NFRKB: variants seen among roughly 807,000 people sequenced by gnomAD.
The protein encoded by NFRKB is nuclear factor related to kappaB binding protein.
Under a neutral mutation model 135.7 loss-of-function variants are expected in NFRKB, and 62 were observed. That is an observed-to-expected ratio of 0.46 (90% CI 0.37 to 0.56). NFRKB has a LOEUF of 0.56. NFRKB is among the 20% of genes least tolerant of loss of function. NFRKB has a pLI of 0.00. For missense variants in NFRKB, 1,545 were observed against 1,662.0 expected, an observed-to-expected ratio of 0.93 and a Z score of 1.22; for synonymous variants, 678 against 635.6, an observed-to-expected ratio of 1.07 and a Z score of -1.00.
intron 3 of NFRKB, among the ~76,000 whole-genome samples, chr11:129,891,477 G>A (rs990450378): frequency 4.6e-5 from 7 of 152,202 alleles, no homozygotes; most frequent in African/African-American, 1.7e-4. Context: ...CTACTCAGTT[G>A]TTGGGATGAG....
At chr11:129,886,466 A>G (rs1370094154) in intron 4 of NFRKB, 22 bp from the exon 5 acceptor site, 3 of 1,608,910 alleles carry the variant, frequency 1.9e-6, no homozygotes, top group Non-Finnish European at 2.6e-6. Flanking sequence ...AAAGGTATAT[A>G]TATTTACATC....
rs555682677 is a variant in NFRKB, at chr11:129,868,182, A to G, written c.3531+1312T>C. On this transcript the variant is annotated intron_variant, in intron 24 of 26. Coordinates refer to ENST00000682444, the MANE Select transcript of NFRKB (RefSeq NM_001143835.2). ...GTTAAAAGATGACAGACTGGAAAAA[A>G]ATATTTTCTATGTATATAAAGAATT... Among the ~76,000 whole-genome samples the G allele has an allele frequency of 5.7e-4, 87 of 152,290 alleles. 2 individuals carry two copies. The South Asian group carries it at 0.018, about 31-fold the overall frequency.
intron 8 of NFRKB, 44 bp from the exon 9 acceptor site, chr11:129,883,250 A>G: frequency 6.5e-7 from 1 of 1,532,356 alleles, no homozygotes; most frequent in Non-Finnish European, 9.0e-7. Context: ...CCCAAAAAGG[A>G]GCAAAAACTG....
chr11:129,865,731 T>TA, intron 25 of NFRKB, 146 bp downstream of exon 25: 1 of 668,792 alleles, frequency 1.5e-6, no homozygotes. Flanking sequence ...GCTCAATAAA[T>TA]ACTGTTGATG....
intron 3 of NFRKB, 139 bp downstream of exon 3, chr11:129,892,576 A>T: frequency 1.2e-6 from 1 of 810,214 alleles, no homozygotes; most frequent in Admixed American, 2.7e-5. Context: ...AAAAAAGATA[A>T]GAGATCAGGC....
At chr11:129,887,375 G>C (rs1241479206) in intron 4 of NFRKB, among the ~76,000 whole-genome samples, 1 of 152,148 alleles carries the variant, frequency 6.6e-6, no homozygotes, top group African/African-American at 2.4e-5. Flanking sequence ...ACAAGCAAGA[G>C]GTACCGCAGA....
intron 3 of NFRKB, among the ~76,000 whole-genome samples, chr11:129,891,793 T>C (rs543561045): frequency 6.6e-6 from 1 of 152,316 alleles, no homozygotes; most frequent in East Asian, 1.9e-4. Context: ...GGAATGAAAG[T>C]GTCTCAAACA....
Position 129,888,588 on chromosome 11 carries a change from A to G in NFRKB, c.337+6T>C, listed in dbSNP as rs2135673294. On this transcript the variant is annotated splice_donor_region_variant and intron_variant, in intron 4 of 26. Transcript: ENST00000682444. ...CCCCTCAAAGAAAGAATACTGAGCT[A>G]CAAACCTCGGAAAAGCTTCTGGGCA... The G allele has an allele frequency of 6.2e-7, 1 of 1,614,118 alleles. No individual in the cohort carries two copies. Among genetic ancestry groups the G allele is most frequent in the Non-Finnish European group, 8.5e-7 (1 of 1,179,940 alleles).
At chr11:129,880,004 T>C (rs905951868) in intron 13 of NFRKB, among the ~76,000 whole-genome samples, 2 of 151,988 alleles carry the variant, frequency 1.3e-5, no homozygotes, top group Non-Finnish European at 2.9e-5. Context: ...CTGGACAACA[T>C]GGGGAAACCT....
chr11:129,878,237 T>A, intron 15 of NFRKB, 72 bp downstream of exon 15: 1 of 1,506,424 alleles, frequency 6.6e-7, no homozygotes, highest in Non-Finnish European at 9.2e-7. Flanking sequence ...CCAAGAAGTA[T>A]TAACAAAACC....
Position 129,874,605 on chromosome 11 carries a change from A to G in NFRKB, c.1979-25T>C, listed in dbSNP as rs769557444. The G allele has an allele frequency of 3.7e-6, 6 of 1,613,144 alleles. No homozygotes were observed. Among genetic ancestry groups the G allele is most frequent in the Non-Finnish European group, 1.7e-6 (2 of 1,179,654 alleles). ...TCTGTGAACAAGAGGGGCAAGCTTCAGCCAGAGTTTAACCTTAGCAAACTA... is the reference window on the plus strand; with the variant it reads ...TCTGTGAACAAGAGGGGCAAGCTTCGGCCAGAGTTTAACCTTAGCAAACTA... On this transcript the variant is annotated intron_variant, in intron 19 of 26. Transcript: ENST00000682444. This position sits in a 1 kb window ranked among gnomAD's most constrained non-coding sequence, Gnocchi z 4.5.
chr11:129,865,655 T>C (rs185813698), intron 25 of NFRKB, among the ~76,000 whole-genome samples: 143 of 152,332 alleles, frequency 9.4e-4, no homozygotes, highest in Non-Finnish European at 1.6e-3. Context: ...TACTTTACAA[T>C]GTATGCTTGG....
chr11:129,864,596 C>A lies in NFRKB; in HGVS notation c.*129G>T. ...GAATCCAGGCCACGAATCCAGGCCA[C>A]CGTTGCCATCACCCCTCGCCTGGCT... On this transcript the variant is annotated 3_prime_UTR_variant, in exon 27 of 27. Coordinates refer to ENST00000682444, the MANE Select transcript of NFRKB (RefSeq NM_001143835.2). 7.6e-7 allele frequency: 1 copy of A among 1,316,888 alleles called. No homozygotes were observed. Among genetic ancestry groups the A allele is most frequent in the Non-Finnish European group, 1.1e-6 (1 of 952,090 alleles). The allele number at this position is 1,316,888 out of a possible 1,614,324, so 81.6% of individuals were successfully genotyped here.
chr11:129,881,816 G>C lies in NFRKB; in HGVS notation c.1229C>G (p.Ala410Gly). 1 of 1,612,642 alleles carries C rather than the reference G, an allele frequency of 6.2e-7. No individual in the cohort carries two copies. Among genetic ancestry groups the C allele is most frequent in the South Asian group, 1.1e-5 (1 of 90,766 alleles). Residue 410 changes from alanine (A) to glycine (G), a missense_variant, in exon 12 of 27, where the codon GCC becomes GGC. By Grantham distance (60) the Ala-to-Gly change is moderately conservative. This residue lies in a region of NFRKB where 678 missense variants were observed against 646.7 expected (regional missense o/e 1.05). Coordinates refer to ENST00000682444, the MANE Select transcript of NFRKB (RefSeq NM_001143835.2). ...ERVLDWQSSPASSLNSWFSAA... is the reference protein window; with the variant it reads ...ERVLDWQSSPGSSLNSWFSAA... ...AGAGAACCAGCTGTTGAGGGAGCTG[G>C]CTGGCGATGACTGCCAATCCAAAAC...
intron 24 of NFRKB, among the ~76,000 whole-genome samples, chr11:129,867,523 G>A (rs1330718559): frequency 6.6e-6 from 1 of 152,078 alleles, no homozygotes; most frequent in East Asian, 1.9e-4. Flanking sequence ...CACCATGTTG[G>A]CCAGGCTGGT....
In NFRKB at chr11:129,875,326, C is replaced by T. The variant is rs1948709685; in HGVS notation, c.1854+31G>A. Reference sequence around the variant, plus strand: ...AAGTTTTCTTAAATCCATTCTGGAACAAAGCAAAAGTAATCTCTTCTCCGT... The same window carrying T: ...AAGTTTTCTTAAATCCATTCTGGAATAAAGCAAAAGTAATCTCTTCTCCGT... On this transcript the variant is annotated intron_variant, in intron 18 of 26. Transcript: ENST00000682444. 2.0e-6 allele frequency: 3 copies of T among 1,538,238 alleles called. No homozygotes were observed. The African/African-American group carries it at 4.1e-5, about 21-fold the overall frequency.
At chr11:129,883,340 A>G in intron 8 of NFRKB, 134 bp from the exon 9 acceptor site, 1 of 658,328 alleles carries the variant, frequency 1.5e-6, no homozygotes, top group East Asian at 2.6e-5. Context: ...ATATAGAGAG[A>G]TAAAACTATT....
intron 8 of NFRKB, 78 bp downstream of exon 8, chr11:129,883,992 C>T (rs1591519436): frequency 7.0e-7 from 1 of 1,429,810 alleles, no homozygotes; most frequent in African/African-American, 1.4e-5. Context: ...GGCAGTGATG[C>T]CCCGTGTCTT....
chr11:129,864,717 T>C lies in NFRKB; in HGVS notation c.*8A>G. ...ATGGTCTTTCACGGAAGCCATCCTC[T>C]CTCATAATCATTGTTGCTCAGGTGC... On this transcript the variant is annotated 3_prime_UTR_variant, in exon 27 of 27. Coordinates refer to ENST00000682444, the MANE Select transcript of NFRKB (RefSeq NM_001143835.2). 6.2e-7 allele frequency: 1 copy of C among 1,614,112 alleles called. No individual in the cohort carries two copies. The highest frequency in any genetic ancestry group is 8.5e-7 in the Non-Finnish European group (1 of 1,180,024).
Sources: allele counts gnomAD v4.1 joint callset (sites outside exome capture counted in the v4.1 genomes callset), GRCh38; gene constraint gnomAD v4.1.1; regional missense constraint gnomAD v4.1.1; non-coding constraint Gnocchi (gnomAD v3.1); transcripts MANE v1.5; gene names NCBI Gene and HGNC (gene_info 2026-07-23, HGNC 2026-07-21).